The following CLIC5 variants were observed in gnomAD, a reference collection of about 807,000 sequenced individuals.
CLIC5 encodes CLIC family member 5.
A neutral mutation model predicts 24.7 loss-of-function variants in CLIC5; 20 were observed. That is an observed-to-expected ratio of 0.81 (90% CI 0.57 to 1.18). The LOEUF (loss-of-function observed/expected upper bound fraction) is 1.18. CLIC5 is among the 50% of genes most tolerant of loss of function. The pLI, the probability that CLIC5 is intolerant of heterozygous loss-of-function variation, is 0.00. For synonymous variants in CLIC5, 159 were observed against 135.6 expected, an observed-to-expected ratio of 1.17 and a Z score of -1.20; for missense variants, 341 against 326.1, an observed-to-expected ratio of 1.05 and a Z score of -0.35.
intron 1 of CLIC5, among the ~76,000 whole-genome samples, chr6:46,069,421 A>G (rs1408976761): frequency 1.3e-5 from 2 of 152,172 alleles, no homozygotes; most frequent in African/African-American, 4.8e-5. Context: ...ATCAGAGAAT[A>G]CGATGAACAC....
At chr6:45,881,398 C>T (rs1349181902) in intron 6 of CLIC5, among the ~76,000 whole-genome samples, 6 of 152,094 alleles carry the variant, frequency 3.9e-5, no homozygotes, top group East Asian at 3.9e-4. Flanking sequence ...TCCCTGGCTG[C>T]CCTGCCTCCT....
In CLIC5 at chr6:45,899,817, G is replaced by A. The variant is rs1018426023; in HGVS notation, c.*3271C>T. On this transcript the variant is annotated 3_prime_UTR_variant, in exon 6 of 6. Transcript: ENST00000339561. ...TCACTGGCCCCACCAGCACAAGAAG[G>A]GAATGCTGAGGACAGGGCCATTTCC... is the stretch of plus-strand genomic sequence containing the variant. 3 of 152,182 alleles carry A rather than the reference G, an allele frequency of 2.0e-5. No individual in the cohort carries two copies. Among genetic ancestry groups the A allele is most frequent in the Non-Finnish European group, 4.4e-5 (3 of 68,032 alleles). 9.4% of individuals were successfully genotyped at this position (152,182 alleles called of 1,614,324 possible).
At chr6:45,997,196 C>T (rs1766176651) in intron 1 of CLIC5, among the ~76,000 whole-genome samples, 2 of 150,934 alleles carry the variant, frequency 1.3e-5, no homozygotes, top group African/African-American at 4.9e-5. Flanking sequence ...GAGTTCATGT[C>T]CTTTGTAGGG....
intron 3 of CLIC5, among the ~76,000 whole-genome samples, chr6:45,943,877 T>C (rs1456829642): frequency 6.6e-6 from 1 of 152,234 alleles, no homozygotes; most frequent in Non-Finnish European, 1.5e-5. Context: ...GCTTTGTTCT[T>C]GTGGGAAGTG....
chr6:45,988,194 T>C (rs531304746), intron 1 of CLIC5, among the ~76,000 whole-genome samples: 1 of 152,266 alleles, frequency 6.6e-6, no homozygotes, highest in African/African-American at 2.4e-5. Context: ...GGATAAACAT[T>C]ACAAAAAGGA....
chr6:46,050,557 T>G (rs1768074901), intron 1 of CLIC5, among the ~76,000 whole-genome samples: 1 of 152,146 alleles, frequency 6.6e-6, no homozygotes, highest in Non-Finnish European at 1.5e-5. Context: ...CCAAACCAAT[T>G]TGCTGCTCTA....
rs3997321 is a variant in CLIC5, at chr6:45,979,951, C to CTTT, written c.64-24710_64-24708dup. Among the ~76,000 whole-genome samples the CTTT allele has an allele frequency of 6.8e-3, 646 of 95,030 alleles. 49 individuals carry two copies. The highest frequency in any genetic ancestry group is 0.024 in the African/African-American group (587 of 24,336). 62.3% of individuals were successfully genotyped at this position (95,030 alleles called of 152,430 possible). ...GCAATTGCTTTTGGAGACTTAGTCA[C>CTTT]TTTTTTTTTTTTTTTTTTTGCCAAG... On this transcript the variant is annotated intron_variant, in intron 1 of 5. Transcript: ENST00000339561.
downstream of CLIC5, among the ~76,000 whole-genome samples, chr6:45,894,413 A>T (rs1232112797): frequency 6.6e-6 from 1 of 152,228 alleles, no homozygotes; most frequent in Non-Finnish European, 1.5e-5. Context: ...GCATCAATTG[A>T]GTAAAAAATT....
intron 1 of CLIC5, among the ~76,000 whole-genome samples, chr6:45,984,619 C>A (rs1241929780): frequency 6.6e-6 from 1 of 152,156 alleles, no homozygotes; most frequent in African/African-American, 2.4e-5. Flanking sequence ...CACCAGGATG[C>A]TCTCCCCTGG....
intron 1 of CLIC5, among the ~76,000 whole-genome samples, chr6:46,021,839 C>G (rs1767193552): frequency 1.3e-5 from 2 of 152,204 alleles, no homozygotes; most frequent in Non-Finnish European, 2.9e-5. Context: ...ACTTTGCATC[C>G]TGTTTGTGTC....
the CLIC5 span, among the ~76,000 whole-genome samples, chr6:46,095,693 C>A: frequency 6.6e-6 from 1 of 152,244 alleles, no homozygotes; most frequent in Non-Finnish European, 1.5e-5. Flanking sequence ...ATATTACTAT[C>A]AGCATTTTAG....
chr6:46,116,449 C>G, the CLIC5 span, among the ~76,000 whole-genome samples: 1 of 152,152 alleles, frequency 6.6e-6, no homozygotes, highest in South Asian at 2.1e-4. Flanking sequence ...GCCAATGTCT[C>G]GAGCTATTTG....
At chr6:46,086,292 C>G in the CLIC5 span, among the ~76,000 whole-genome samples, 1 of 152,238 alleles carries the variant, frequency 6.6e-6, no homozygotes, top group African/African-American at 2.4e-5. Context: ...GTGAGATGAA[C>G]CCGGTACCTC....
chr6:45,998,018 G>A lies in CLIC5; in HGVS notation c.63+17462C>T, dbSNP rs185958958. On this transcript the variant is annotated intron_variant, in intron 1 of 5. Coordinates refer to ENST00000339561, the MANE Select transcript of CLIC5 (RefSeq NM_016929.5). Reference sequence around the variant, plus strand: ...GGGAGTCAAGAGCAGAAACTGCCCTGAGTGTTTACCATTAGGAATGTGTGA... The same window carrying A: ...GGGAGTCAAGAGCAGAAACTGCCCTAAGTGTTTACCATTAGGAATGTGTGA... Among the ~76,000 whole-genome samples, 18 of 152,292 alleles carry A rather than the reference G, an allele frequency of 1.2e-4. No homozygotes were observed. In the East Asian group the frequency reaches 3.3e-3, roughly 28 times the overall value.
intron 1 of CLIC5, among the ~76,000 whole-genome samples, chr6:46,056,902 G>GA (rs1452857395): frequency 3.3e-5 from 5 of 152,084 alleles, no homozygotes; most frequent in African/African-American, 7.2e-5. Flanking sequence ...ATAAAATGTT[G>GA]AAAACCCTCC....
chr6:45,952,565 T>G (rs1395197939), intron 2 of CLIC5, among the ~76,000 whole-genome samples: 1 of 152,220 alleles, frequency 6.6e-6, no homozygotes, highest in African/African-American at 2.4e-5. Flanking sequence ...AGTTCAAGAT[T>G]ATTCAGTCAC....
At chr6:46,119,207 G>A in the CLIC5 span, among the ~76,000 whole-genome samples, 2 of 152,182 alleles carry the variant, frequency 1.3e-5, no homozygotes, top group Admixed American at 1.3e-4. Flanking sequence ...AGCAGTCATA[G>A]GAAACTACTT....
chr6:46,114,664 A>T, the CLIC5 span, among the ~76,000 whole-genome samples: 1 of 152,156 alleles, frequency 6.6e-6, no homozygotes, highest in African/African-American at 2.4e-5. Flanking sequence ...TGCTTGCATC[A>T]ATCTGCCTAT....
Position 46,009,632 on chromosome 6 carries a change from T to C in CLIC5, c.63+5848A>G, listed in dbSNP as rs572531604. Among the ~76,000 whole-genome samples the C allele has an allele frequency of 1.0e-3, 157 of 152,318 alleles. 1 individual carries two copies. The highest frequency in any genetic ancestry group is 1.7e-3 in the Non-Finnish European group (119 of 68,026). On this transcript the variant is annotated intron_variant, in intron 1 of 5. Transcript: ENST00000339561. ...GTGAGAGCCTACGACATTTTCCCCA[T>C]AATCCTGGTAGATAATACGTGTGCA...
Sources: allele counts gnomAD v4.1 joint callset (sites outside exome capture counted in the v4.1 genomes callset), GRCh38; gene constraint gnomAD v4.1.1; transcripts MANE v1.5; gene names NCBI Gene and HGNC (gene_info 2026-07-23, HGNC 2026-07-21).